Variants in GULP1 observed in about 807,000 individuals in gnomAD.
The protein encoded by GULP1 is PTB domain-containing engulfment adapter protein 1.
Under a neutral mutation model 40.9 loss-of-function variants are expected in GULP1, and 19 were observed. The ratio of observed to expected loss-of-function variants is 0.46; its 90% CI spans 0.32 to 0.68. The LOEUF (loss-of-function observed/expected upper bound fraction) is 0.68. GULP1 is among the 30% of genes least tolerant of loss of function. The probability of loss-of-function intolerance (pLI) is 0.03; values close to 1 mark genes in which losing one functional copy is unlikely to be tolerated. For synonymous variants in GULP1, 119 were observed against 117.6 expected, an observed-to-expected ratio of 1.01 and a Z score of -0.08; for missense variants, 312 against 362.2, an observed-to-expected ratio of 0.86 and a Z score of 1.12.
chr2:188,365,672 CAAGA>C (rs2046686435), intron 1 of GULP1, among the ~76,000 whole-genome samples: 1 of 152,082 alleles, frequency 6.6e-6, no homozygotes, highest in African/African-American at 2.4e-5. Flanking sequence ...GGTAGGATGT[CAAGA>C]AAGGCACGGT....
intron 11 of GULP1, chr2:188,593,543 C>G (rs1377128723): frequency 6.5e-6 from 1 of 152,940 alleles, no homozygotes; most frequent in Admixed American, 6.6e-5. Context: ...AATCATCAGG[C>G]TATCTTGAAC....
At chr2:188,296,959 T>C (rs1361356199) in intron 1 of GULP1, among the ~76,000 whole-genome samples, 1 of 152,044 alleles carries the variant, frequency 6.6e-6, no homozygotes, top group Non-Finnish European at 1.5e-5. Flanking sequence ...TCTCTCTCTC[T>C]GTCTCCATTT....
rs528909082 is a variant in GULP1, at chr2:188,316,558, C to G, written c.-172+24392C>G. On this transcript the variant is annotated intron_variant, in intron 1 of 11. Coordinates refer to ENST00000409830, the MANE Select transcript of GULP1 (RefSeq NM_016315.4). ...GTGGCCTCATTGCTCACTGTTCACA[C>G]AGCGCCCTGACTGCTCCTCCCCAGC... Among the ~76,000 whole-genome samples, 422 of 152,218 alleles carry G rather than the reference C, an allele frequency of 2.8e-3. 3 individuals carry two copies. Among genetic ancestry groups the G allele is most frequent in the African/African-American group, 9.6e-3 (400 of 41,546 alleles).
intron 1 of GULP1, among the ~76,000 whole-genome samples, chr2:188,316,450 A>T (rs985360736): frequency 1.3e-5 from 2 of 152,066 alleles, no homozygotes; most frequent in African/African-American, 4.8e-5. Context: ...TCTCTACTCA[A>T]AACCTTCCAC....
intron 2 of GULP1, among the ~76,000 whole-genome samples, chr2:188,394,696 T>A (rs1035726291): frequency 3.3e-5 from 5 of 152,234 alleles, no homozygotes; most frequent in Admixed American, 3.3e-4. Context: ...TTGATTTGAC[T>A]TTTTAAAAAA....
intron 1 of GULP1, among the ~76,000 whole-genome samples, chr2:188,309,919 G>A (rs2037784051): frequency 6.6e-6 from 1 of 152,218 alleles, no homozygotes; most frequent in Non-Finnish European, 1.5e-5. Flanking sequence ...TCAGAGAAGA[G>A]TGGACTTATA....
intron 4 of GULP1, among the ~76,000 whole-genome samples, chr2:188,492,235 A>G (rs1306646944): frequency 1.3e-5 from 2 of 152,058 alleles, no homozygotes; most frequent in African/African-American, 4.8e-5. Flanking sequence ...TTAGGTCTTC[A>G]AAGTGTTATA....
At chr2:188,572,244 T>C (rs1699202887) in intron 9 of GULP1, among the ~76,000 whole-genome samples, 1 of 152,224 alleles carries the variant, frequency 6.6e-6, no homozygotes, top group South Asian at 2.1e-4. Flanking sequence ...AAACATAGCC[T>C]ATTCATAAGT....
intron 9 of GULP1, among the ~76,000 whole-genome samples, chr2:188,575,757 T>A (rs987007908): frequency 2.9e-4 from 2 of 6,982 alleles, no homozygotes; most frequent in African/African-American, 3.7e-4. Flanking sequence ...GGATTGGTAT[T>A]TTTTTTTAAT....
chr2:188,322,904 CA>C (rs2040195229), intron 1 of GULP1, among the ~76,000 whole-genome samples: 1 of 152,016 alleles, frequency 6.6e-6, no homozygotes, highest in Admixed American at 6.6e-5. Flanking sequence ...TTATTCTGGC[CA>C]AAAGCCTTCA....
At chr2:188,521,946 G>A (rs2065826543) in intron 4 of GULP1, among the ~76,000 whole-genome samples, 4 of 152,014 alleles carry the variant, frequency 2.6e-5, no homozygotes, top group Admixed American at 1.3e-4. Flanking sequence ...CACAGTGGCG[G>A]GTGCCTGTAG....
intron 2 of GULP1, among the ~76,000 whole-genome samples, chr2:188,398,265 G>A (rs879806011): frequency 3.3e-5 from 5 of 152,122 alleles, no homozygotes; most frequent in African/African-American, 7.2e-5. Context: ...CTGGCTTCCC[G>A]AACTATGAGA....
rs190801282 is a variant in GULP1, at chr2:188,345,589, G to T, written c.-171-38174G>T. On this transcript the variant is annotated intron_variant, in intron 1 of 11. Transcript: ENST00000409830. ...TTGCCTGTTGAAAATAGTTTTAGCTGGGTGGTGAATATAAAGTAAGTTGCT... is the reference window on the plus strand; with the variant it reads ...TTGCCTGTTGAAAATAGTTTTAGCTTGGTGGTGAATATAAAGTAAGTTGCT... Among the ~76,000 whole-genome samples, 351 of 152,316 alleles carry T rather than the reference G, an allele frequency of 2.3e-3. 1 individual carries two copies. Among genetic ancestry groups the T allele is most frequent in the African/African-American group, 8.0e-3 (331 of 41,562 alleles).
chr2:188,301,637 T>C (rs907242460), intron 1 of GULP1, among the ~76,000 whole-genome samples: 3 of 152,212 alleles, frequency 2.0e-5, no homozygotes, highest in Non-Finnish European at 2.9e-5. Context: ...TCTATGCCCC[T>C]TGGCAGTGAT....
At chr2:188,327,509 G>A (rs2040919683) in intron 1 of GULP1, among the ~76,000 whole-genome samples, 1 of 152,068 alleles carries the variant, frequency 6.6e-6, no homozygotes, top group Non-Finnish European at 1.5e-5. Flanking sequence ...GACTGTAGAG[G>A]CTATTTACTA....
chr2:188,545,243 C>T (rs577824359), intron 7 of GULP1, among the ~76,000 whole-genome samples: 233 of 150,470 alleles, frequency 1.5e-3, no homozygotes, highest in Non-Finnish European at 2.4e-3. Flanking sequence ...AGGAAGTTCT[C>T]TAAATGGAAA....
intron 1 of GULP1, among the ~76,000 whole-genome samples, chr2:188,352,618 T>TCTCTCACACACACACACACA (rs578003996): frequency 2.0e-4 from 27 of 134,502 alleles, no homozygotes; most frequent in African/African-American, 7.8e-4. Flanking sequence ...TCTCTCTCTC[T>TCTCTCACACACACACACACA]CACACACACA....
chr2:188,475,039 A>G (rs146762163), intron 2 of GULP1, among the ~76,000 whole-genome samples: 4 of 152,330 alleles, frequency 2.6e-5, no homozygotes, highest in African/African-American at 9.6e-5. Context: ...TTATTAATAC[A>G]TAAAATAAAT....
At chr2:188,580,613 T>C in intron 9 of GULP1, among the ~76,000 whole-genome samples, 1 of 152,028 alleles carries the variant, frequency 6.6e-6, no homozygotes, top group South Asian at 2.1e-4. Context: ...TATATATGCA[T>C]ATTAATAGAG....
Sources: gnomAD v4.1 joint callset for allele counts (sites outside exome capture counted in the v4.1 genomes callset) on GRCh38, gnomAD v4.1.1 for gene constraint, MANE v1.5 for transcripts, NCBI Gene and HGNC (gene_info 2026-07-23, HGNC 2026-07-21) for gene names.